Variants in TMC1 observed in about 807,000 individuals in gnomAD.
TMC1 encodes transmembrane channel-like protein 1.
TMC1 carries 84 observed loss-of-function variants against 105.8 expected under a neutral mutation model. The ratio of observed to expected loss-of-function variants is 0.79; its 90% CI spans 0.67 to 0.95. The LOEUF (loss-of-function observed/expected upper bound fraction) is 0.95, where lower values mean the gene tolerates loss of function less well. Among genes scored for constraint, TMC1 ranks in the 40% least tolerant of loss-of-function variants. The pLI is 0.00. For missense variants in TMC1, 817 were observed against 914.1 expected (o/e 0.89, Z 1.37); for synonymous variants, 315 against 311.5 (o/e 1.01, Z -0.12).
At chr9:72,677,980 G>A (rs771383370) in intron 5 of TMC1, among the ~76,000 whole-genome samples, 1 of 152,066 alleles carries the variant, frequency 6.6e-6, no homozygotes, top group Admixed American at 6.6e-5. Context: ...TAACATTGAT[G>A]GCAGGAACTT....
At chr9:72,717,448 G>A (rs560479605) in intron 8 of TMC1, among the ~76,000 whole-genome samples, 26 of 152,174 alleles carry the variant, frequency 1.7e-4, no homozygotes, top group Non-Finnish European at 3.2e-4. Context: ...TGTTTCCATG[G>A]TTCGTTTCAA....
intron 8 of TMC1, among the ~76,000 whole-genome samples, chr9:72,731,573 A>G (rs370300788): frequency 6.6e-6 from 1 of 152,188 alleles, no homozygotes; most frequent in African/African-American, 2.4e-5. Context: ...CTTATCTTGT[A>G]TATCATTGTT....
intron 23 of TMC1, among the ~76,000 whole-genome samples, chr9:72,834,476 C>T (rs1161942119): frequency 2.0e-5 from 3 of 152,060 alleles, no homozygotes; most frequent in African/African-American, 4.8e-5. Context: ...CCTGGGCTGC[C>T]GCTGAACCCC....
intron 2 of TMC1, among the ~76,000 whole-genome samples, chr9:72,585,232 G>A (rs1045415204): frequency 2.7e-5 from 4 of 147,680 alleles, no homozygotes; most frequent in Admixed American, 2.1e-4. Context: ...CTCACTGCAA[G>A]CTCCACCTCC....
intron 8 of TMC1, among the ~76,000 whole-genome samples, chr9:72,731,834 A>G (rs1488286955): frequency 6.6e-6 from 1 of 152,182 alleles, no homozygotes; most frequent in East Asian, 1.9e-4. Context: ...TTGACCATGT[A>G]ACTGAATCCT....
chr9:72,666,752 A>G (rs887828369), intron 5 of TMC1, among the ~76,000 whole-genome samples: 5 of 152,112 alleles, frequency 3.3e-5, no homozygotes, highest in Non-Finnish European at 7.3e-5. Context: ...AAATAAGTAG[A>G]TAACATAATG....
At chr9:72,815,374 G>A (rs963766858) in intron 18 of TMC1, among the ~76,000 whole-genome samples, 2 of 152,096 alleles carry the variant, frequency 1.3e-5, no homozygotes, top group African/African-American at 4.8e-5. Context: ...ACATTGAATT[G>A]AGTAACTTCT....
At chr9:72,706,676 T>C (rs1326311984) in intron 8 of TMC1, among the ~76,000 whole-genome samples, 1 of 152,248 alleles carries the variant, frequency 6.6e-6, no homozygotes, top group Non-Finnish European at 1.5e-5. Flanking sequence ...ATATGATATT[T>C]GGTTTTCCAT....
chr9:72,638,301 C>T (rs925506814), intron 4 of TMC1, among the ~76,000 whole-genome samples: 3 of 152,126 alleles, frequency 2.0e-5, no homozygotes, highest in African/African-American at 7.2e-5. Flanking sequence ...GCATTCATTC[C>T]CTGAGTAACT....
Position 72,792,065 on chromosome 9 carries a change from G to T in TMC1, c.1404G>T (p.Lys468Asn). ...ILALMDEINN[K>N]IEEEKLVKAN... ...CATTAATGGATGAGATTAACAACAA[G>T]GTAAGCCTTGTTTCTGGATTGTCCT... Residue 468 changes from lysine (K) to asparagine (N), a missense_variant and splice_region_variant, in exon 16 of 24, where the codon AAG becomes AAT. Physicochemically the swap from Lys to Asn is moderately conservative, Grantham distance 94. Transcript: ENST00000297784. The T allele has an allele frequency of 6.2e-7, 1 of 1,614,044 alleles. No individual in the cohort carries two copies. The highest frequency in any genetic ancestry group is 8.5e-7 in the Non-Finnish European group (1 of 1,179,984).
chr9:72,701,290 G>A (rs1826641750), intron 8 of TMC1, among the ~76,000 whole-genome samples: 2 of 152,156 alleles, frequency 1.3e-5, no homozygotes, highest in Admixed American at 1.3e-4. Context: ...TTATGTTGAT[G>A]CTAATGTGGA....
chr9:72,585,546 A>T (rs973850972), intron 2 of TMC1, among the ~76,000 whole-genome samples: 2 of 152,206 alleles, frequency 1.3e-5, no homozygotes, highest in African/African-American at 4.8e-5. Flanking sequence ...AAAGCCAATG[A>T]CAGACATTAA....
intron 7 of TMC1, among the ~76,000 whole-genome samples, chr9:72,696,165 C>T (rs1332039943): frequency 6.6e-6 from 1 of 152,136 alleles, no homozygotes; most frequent in African/African-American, 2.4e-5. Context: ...AATTCCTCTG[C>T]TCTCTTCGTC....
chr9:72,588,880 AT>A (rs1824593626), intron 2 of TMC1, among the ~76,000 whole-genome samples: 1 of 150,502 alleles, frequency 6.6e-6, no homozygotes. Flanking sequence ...GGTTCAAGTG[AT>A]TCTCCTGCCT....
chr9:72,817,686 T>G (rs1828808778), intron 19 of TMC1, among the ~76,000 whole-genome samples: 1 of 152,238 alleles, frequency 6.6e-6, no homozygotes, highest in East Asian at 1.9e-4. Context: ...TTGTTTTTAT[T>G]GTCAGAAAAG....
chr9:72,557,253 C>T (rs1488531724), intron 1 of TMC1, among the ~76,000 whole-genome samples: 2 of 152,138 alleles, frequency 1.3e-5, no homozygotes, highest in Non-Finnish European at 2.9e-5. Flanking sequence ...CACCTGTAAT[C>T]CCAGCTATTC....
chr9:72,769,147 CATT>C (rs1473133026), intron 12 of TMC1, among the ~76,000 whole-genome samples: 4 of 152,220 alleles, frequency 2.6e-5, no homozygotes, highest in African/African-American at 9.7e-5. Context: ...CACTGTCACT[CATT>C]AGTCATGTGA....
intron 23 of TMC1, among the ~76,000 whole-genome samples, chr9:72,832,282 CAG>C (rs138117928): frequency 0.086 from 13,054 of 152,142 alleles, 668 homozygotes; most frequent in Non-Finnish European, 0.13. Flanking sequence ...AAGTTTAGAA[CAG>C]AGTCAGGTCT....
intron 18 of TMC1, among the ~76,000 whole-genome samples, chr9:72,814,191 C>T (rs1158900579): frequency 1.3e-5 from 2 of 152,152 alleles, no homozygotes; most frequent in Admixed American, 1.3e-4. Flanking sequence ...GATTTTTAAA[C>T]AGAGACAGAG....
Sources: allele counts gnomAD v4.1 joint callset (sites outside exome capture counted in the v4.1 genomes callset), GRCh38; gene constraint gnomAD v4.1.1; transcripts MANE v1.5; gene names NCBI Gene and HGNC (gene_info 2026-07-23, HGNC 2026-07-21).